Variants in SRGAP3 observed in about 807,000 individuals in gnomAD.
The protein encoded by SRGAP3 is SLIT-ROBO Rho GTPase activating protein 3.
In SRGAP3, 39 loss-of-function variants were observed where a neutral mutation model predicts 121.1. The observed-to-expected ratio is 0.32, with a 90% CI of 0.25 to 0.42. SRGAP3 has a LOEUF of 0.42. Among genes scored for constraint, SRGAP3 ranks in the 10% least tolerant of loss-of-function variants. SRGAP3 has a pLI of 1.00. For missense variants in SRGAP3, 1,213 were observed against 1,470.6 expected, an observed-to-expected ratio of 0.82 and a Z score of 2.86; for synonymous variants, 601 against 570.0, an observed-to-expected ratio of 1.05 and a Z score of -0.77.
At chr3:9,085,035 G>A (rs771204117) in intron 3 of SRGAP3, among the ~76,000 whole-genome samples, 2 of 152,138 alleles carry the variant, frequency 1.3e-5, no homozygotes, top group Non-Finnish European at 2.9e-5. Context: ...ACCTTGTTAT[G>A]TCTTCTCTGC....
At position 9,124,933 on chromosome 3, in the gene SRGAP3, G is replaced by C; in HGVS notation, c.68-16C>G. The C allele has an allele frequency of 6.2e-7, 1 of 1,613,716 alleles. No homozygotes were observed. Among genetic ancestry groups the C allele is most frequent in the Non-Finnish European group, 8.5e-7 (1 of 1,180,022 alleles). On this transcript the variant is annotated splice_polypyrimidine_tract_variant and intron_variant, in intron 1 of 21. Coordinates refer to ENST00000383836, the MANE Select transcript of SRGAP3 (RefSeq NM_014850.4). ...GTGCGGATCTCTGCGGGCACACAAGGGTAGGAGCATGAGACTGGTGGTGGG... is the reference window on the plus strand; with the variant it reads ...GTGCGGATCTCTGCGGGCACACAAGCGTAGGAGCATGAGACTGGTGGTGGG...
At chr3:9,003,397 T>G (rs1158792460) in intron 18 of SRGAP3, among the ~76,000 whole-genome samples, 1 of 152,108 alleles carries the variant, frequency 6.6e-6, no homozygotes, top group Non-Finnish European at 1.5e-5. Flanking sequence ...GAGAATCACT[T>G]GAACCCAGGA....
At chr3:9,151,835 G>C (rs978446919) in intron 1 of SRGAP3, among the ~76,000 whole-genome samples, 3 of 152,202 alleles carry the variant, frequency 2.0e-5, no homozygotes, top group Admixed American at 6.5e-5. Flanking sequence ...TGAAAGCCCA[G>C]AGAGCCCAGG....
At chr3:9,256,966 T>G in intron 3 of SRGAP3, 1 of 397,434 alleles carries the variant, frequency 2.5e-6, no homozygotes, top group Non-Finnish European at 4.4e-6. Flanking sequence ...ACTGATAAGC[T>G]GTGTGACCTT....
chr3:9,213,805 A>G (rs1275695351), intron 1 of SRGAP3, among the ~76,000 whole-genome samples: 1 of 152,184 alleles, frequency 6.6e-6, no homozygotes, highest in African/African-American at 2.4e-5. Flanking sequence ...CCCGATGCAC[A>G]TACTTTCTTG....
chr3:9,136,045 T>C (rs1949634416), intron 1 of SRGAP3, among the ~76,000 whole-genome samples: 1 of 152,194 alleles, frequency 6.6e-6, no homozygotes, highest in African/African-American at 2.4e-5. Context: ...AGCTAAGTGT[T>C]TCCCAGGCGC....
intron 3 of SRGAP3, among the ~76,000 whole-genome samples, chr3:9,280,532 G>A (rs1438785628): frequency 6.6e-6 from 1 of 152,214 alleles, no homozygotes; most frequent in Non-Finnish European, 1.5e-5. Flanking sequence ...ATAACCAGCT[G>A]CCTCGCCCAA....
intron 3 of SRGAP3, among the ~76,000 whole-genome samples, chr3:9,086,251 C>A (rs967428854): frequency 1.3e-5 from 2 of 152,012 alleles, no homozygotes; most frequent in African/African-American, 4.8e-5. Context: ...CTTGGCCAGG[C>A]ATGGTGGCTC....
At chr3:9,349,765 T>A (rs2029974533) in intron 1 of SRGAP3, 1 of 152,284 alleles carries the variant, frequency 6.6e-6, no homozygotes, top group Non-Finnish European at 1.5e-5. Context: ...TTCTGGGATT[T>A]CTCGTGGCAG....
chr3:9,293,171 G>A (rs2125271249), intron 3 of SRGAP3: 1 of 152,276 alleles, frequency 6.6e-6, no homozygotes, highest in East Asian at 1.9e-4. Context: ...GTAAATAGGA[G>A]AGTTAAATTC....
At chr3:9,080,608 G>A (rs2125265958) in intron 3 of SRGAP3, among the ~76,000 whole-genome samples, 1 of 152,284 alleles carries the variant, frequency 6.6e-6, no homozygotes, top group Non-Finnish European at 1.5e-5. Context: ...CCAGCCTCCA[G>A]GCCACAGATC....
chr3:9,024,159 C>T (rs986089415), intron 14 of SRGAP3, among the ~76,000 whole-genome samples: 40 of 152,250 alleles, frequency 2.6e-4, no homozygotes, highest in African/African-American at 9.1e-4. Context: ...ATGTTATGTA[C>T]TGCAAGTAAA....
intron 11 of SRGAP3, chr3:9,035,556 A>G (rs55849342): frequency 0.12 from 22,385 of 184,190 alleles, 1,845 homozygotes; most frequent in East Asian, 0.36. Context: ...TCGGCCAAGG[A>G]AAGTGGGGCA....
chr3:9,199,292 C>T (rs1952002143), intron 1 of SRGAP3, among the ~76,000 whole-genome samples: 2 of 152,238 alleles, frequency 1.3e-5, no homozygotes, highest in African/African-American at 4.8e-5. Context: ...ACTTCATCAG[C>T]ACCTCAGAAG....
chr3:9,215,892 G>A (rs1162432), intron 1 of SRGAP3, among the ~76,000 whole-genome samples: 28,019 of 152,128 alleles, frequency 0.18, 2,713 homozygotes, highest in East Asian at 0.34. Flanking sequence ...ACTGGCCAAC[G>A]CTCCTGGATT....
At chr3:9,271,712 A>G (rs1954481808) in intron 3 of SRGAP3, among the ~76,000 whole-genome samples, 1 of 152,230 alleles carries the variant, frequency 6.6e-6, no homozygotes, top group Admixed American at 6.5e-5. Context: ...TGCCCCATTA[A>G]TAAGATGAAA....
intron 3 of SRGAP3, among the ~76,000 whole-genome samples, chr3:9,313,983 A>C (rs747124914): frequency 6.6e-5 from 10 of 152,166 alleles, no homozygotes; most frequent in Non-Finnish European, 1.5e-4. Flanking sequence ...ACAGAGTGAG[A>C]CTCCGTCTAA....
chr3:9,106,241 C>T (rs767463986), intron 2 of SRGAP3, among the ~76,000 whole-genome samples: 32 of 152,228 alleles, frequency 2.1e-4, no homozygotes, highest in South Asian at 2.1e-4. Context: ...TTTCCTGCCA[C>T]GCAGGGCACC....
intron 7 of SRGAP3, among the ~76,000 whole-genome samples, chr3:9,056,855 G>C (rs945488136): frequency 3.9e-5 from 6 of 152,054 alleles, no homozygotes; most frequent in Non-Finnish European, 8.8e-5. Flanking sequence ...CTGGAGGAGG[G>C]GAAGCACCCA....
Sources: allele counts gnomAD v4.1 joint callset (sites outside exome capture counted in the v4.1 genomes callset), GRCh38; gene constraint gnomAD v4.1.1; transcripts MANE v1.5; gene names NCBI Gene and HGNC (gene_info 2026-07-23, HGNC 2026-07-21).